The following CNTNAP2 variants were observed in gnomAD, a reference collection of about 807,000 sequenced individuals.
CNTNAP2 encodes contactin associated protein 2, also known as contactin-associated protein-like 2.
Under a neutral mutation model 155.2 loss-of-function variants are expected in CNTNAP2, and 98 were observed. The ratio of observed to expected loss-of-function variants is 0.63; its 90% CI spans 0.54 to 0.75. The LOEUF is 0.75. Ranked by LOEUF, CNTNAP2 falls within the 30% of genes least tolerant of loss-of-function variation. The pLI is 0.00. For missense variants in CNTNAP2, 1,727 were observed against 1,688.1 expected, an observed-to-expected ratio of 1.02 and a Z score of -0.40; for synonymous variants, 651 against 631.2, an observed-to-expected ratio of 1.03 and a Z score of -0.47.
intron 8 of CNTNAP2, among the ~76,000 whole-genome samples, chr7:147,265,514 G>T (rs985689760): frequency 6.6e-6 from 1 of 152,154 alleles, no homozygotes; most frequent in African/African-American, 2.4e-5. Context: ...ATCTTCCTGG[G>T]CCTGAGCCCC....
intron 13 of CNTNAP2, among the ~76,000 whole-genome samples, chr7:147,788,884 CTTT>C (rs1325837497): frequency 1.4e-5 from 2 of 139,048 alleles, no homozygotes; most frequent in Non-Finnish European, 3.1e-5. Flanking sequence ...GTAGGATATA[CTTT>C]TTTTTTCTTT....
chr7:146,359,504 G>C (rs900540744), intron 1 of CNTNAP2, among the ~76,000 whole-genome samples: 2 of 152,110 alleles, frequency 1.3e-5, no homozygotes, highest in East Asian at 1.9e-4. Flanking sequence ...ATTACCTTAG[G>C]GGAAGCCCTT....
At chr7:147,510,216 C>T (rs1798990108) in intron 11 of CNTNAP2, among the ~76,000 whole-genome samples, 1 of 152,134 alleles carries the variant, frequency 6.6e-6, no homozygotes, top group African/African-American at 2.4e-5. Flanking sequence ...AATTCTTTCT[C>T]TTCTTTGACT....
chr7:147,648,867 A>G (rs1045376957), intron 13 of CNTNAP2, among the ~76,000 whole-genome samples: 1 of 152,102 alleles, frequency 6.6e-6, no homozygotes, highest in Non-Finnish European at 1.5e-5. Flanking sequence ...TCCTATTAAA[A>G]ACCTTTCTGA....
At chr7:148,411,808 C>T (rs1010220839) in intron 23 of CNTNAP2, among the ~76,000 whole-genome samples, 1 of 149,386 alleles carries the variant, frequency 6.7e-6, no homozygotes, top group African/African-American at 2.5e-5. Flanking sequence ...TATACTTTTC[C>T]TCAATTGAAT....
intron 14 of CNTNAP2, among the ~76,000 whole-genome samples, chr7:147,909,438 G>A (rs1394697100): frequency 1.3e-5 from 2 of 152,270 alleles, no homozygotes; most frequent in East Asian, 3.9e-4. Context: ...CAGGATAAAT[G>A]AGATTGCAGC....
intron 10 of CNTNAP2, among the ~76,000 whole-genome samples, chr7:147,448,484 GTA>G (rs10683190): frequency 0.21 from 30,716 of 143,340 alleles, 3,217 homozygotes; most frequent in Middle Eastern, 0.33. Flanking sequence ...GTGTGTGTGT[GTA>G]TATATATATA....
intron 11 of CNTNAP2, among the ~76,000 whole-genome samples, chr7:147,523,859 GT>G (rs1799271075): frequency 6.6e-6 from 1 of 152,120 alleles, no homozygotes; most frequent in South Asian, 2.1e-4. Flanking sequence ...TTTCATTCAC[GT>G]TACCTGCAGA....
At chr7:146,748,143 C>CTTTTCTTTTTTTTTTTT (rs60181692) in intron 1 of CNTNAP2, among the ~76,000 whole-genome samples, 15 of 98,006 alleles carry the variant, frequency 1.5e-4, no homozygotes, top group East Asian at 1.0e-3. Context: ...CTTTTCTTTT[C>CTTTTCTTTTTTTTTTTT]TTTTTTTTTT....
intron 12 of CNTNAP2, among the ~76,000 whole-genome samples, chr7:147,579,697 TATTCTC>T (rs1252102557): frequency 2.6e-5 from 4 of 152,206 alleles, no homozygotes; most frequent in Non-Finnish European, 4.4e-5. Context: ...TTTAAAATCT[TATTCTC>T]ATTCTAAGCA....
At chr7:146,133,628 A>C (rs1199392560) in intron 1 of CNTNAP2, among the ~76,000 whole-genome samples, 2 of 152,116 alleles carry the variant, frequency 1.3e-5, no homozygotes, top group South Asian at 2.1e-4. Flanking sequence ...AGCTTTCTAC[A>C]TATGGCTAGC....
At chr7:146,628,013 T>A in intron 1 of CNTNAP2, among the ~76,000 whole-genome samples, 1 of 152,178 alleles carries the variant, frequency 6.6e-6, no homozygotes, top group East Asian at 1.9e-4. Flanking sequence ...TCTTTGTGAT[T>A]TATTATAGTA....
At chr7:146,773,010 A>G (rs1038005600) in intron 1 of CNTNAP2, among the ~76,000 whole-genome samples, 1 of 152,120 alleles carries the variant, frequency 6.6e-6, no homozygotes, top group Non-Finnish European at 1.5e-5. Context: ...ATCTGTAGCT[A>G]TGGAGTTGAA....
intron 13 of CNTNAP2, among the ~76,000 whole-genome samples, chr7:147,870,260 G>C (rs779300555): frequency 2.0e-5 from 3 of 152,172 alleles, no homozygotes; most frequent in Non-Finnish European, 2.9e-5. Flanking sequence ...ATGGAGGAAA[G>C]AGGGAAGGAA....
chr7:146,404,004 A>G (rs1795751163), intron 1 of CNTNAP2, among the ~76,000 whole-genome samples: 1 of 150,278 alleles, frequency 6.7e-6, no homozygotes, highest in East Asian at 2.0e-4. Context: ...GGGCGCCTGT[A>G]GTCCCAGCTA....
intron 1 of CNTNAP2, among the ~76,000 whole-genome samples, chr7:146,745,262 C>T (rs1801789646): frequency 6.6e-6 from 1 of 152,080 alleles, no homozygotes; most frequent in African/African-American, 2.4e-5. Context: ...AGAATTAGTC[C>T]TAATTGTGCT....
intron 3 of CNTNAP2, among the ~76,000 whole-genome samples, chr7:146,883,178 G>A (rs762639858): frequency 2.6e-5 from 4 of 152,092 alleles, no homozygotes; most frequent in Admixed American, 6.6e-5. Flanking sequence ...CCATGGATAT[G>A]CATTTGTACA....
chr7:147,367,161 T>A (rs1796246597), intron 9 of CNTNAP2, among the ~76,000 whole-genome samples: 1 of 152,224 alleles, frequency 6.6e-6, no homozygotes, highest in Non-Finnish European at 1.5e-5. Flanking sequence ...ATTGTTTTAA[T>A]TAGTTTTTCT....
At position 147,712,603 on chromosome 7, in the gene CNTNAP2, A is replaced by T. The variant is rs999262058; in HGVS notation, c.2098+73297A>T. Among the ~76,000 whole-genome samples the T allele has an allele frequency of 2.0e-5, 3 of 152,152 alleles. No individual in the cohort carries two copies. The East Asian group carries it at 5.8e-4, about 29-fold the overall frequency. On this transcript the variant is annotated intron_variant, in intron 13 of 23. Coordinates refer to ENST00000361727, the MANE Select transcript of CNTNAP2 (RefSeq NM_014141.6). ...AGTTCATGTCCTTTGTAGAACATGG[A>T]TGAAGCTGGAAACCATCATTCTGAG...
Sources: allele counts gnomAD v4.1 joint callset (sites outside exome capture counted in the v4.1 genomes callset), GRCh38; gene constraint gnomAD v4.1.1; transcripts MANE v1.5; gene names NCBI Gene and HGNC (gene_info 2026-07-23, HGNC 2026-07-21).